The following CASKIN1 variants were observed in gnomAD, a reference collection of about 807,000 sequenced individuals.
CASKIN1 encodes the protein caskin-1.
In CASKIN1, 42 loss-of-function variants were observed where a neutral mutation model predicts 117.5. The observed-to-expected ratio is 0.36, with a 90% CI of 0.28 to 0.46. CASKIN1 has a LOEUF of 0.46. Among genes scored for constraint, CASKIN1 ranks in the 20% least tolerant of loss-of-function variants. The pLI is 1.00. For synonymous variants in CASKIN1, 1,148 were observed against 961.7 expected, an observed-to-expected ratio of 1.19 and a Z score of -3.59; for missense variants, 2,083 against 2,077.3, an observed-to-expected ratio of 1.00 and a Z score of -0.05.
At chr16:2,191,271 C>T (rs1242579790) in intron 1 of CASKIN1, among the ~76,000 whole-genome samples, 4 of 152,178 alleles carry the variant, frequency 2.6e-5, no homozygotes, top group African/African-American at 4.8e-5. Flanking sequence ...TTGAGGGAGT[C>T]GAGGCACAGG....
At chr16:2,191,364 G>A (rs1201527378) in intron 1 of CASKIN1, among the ~76,000 whole-genome samples, 2 of 152,192 alleles carry the variant, frequency 1.3e-5, no homozygotes, top group Admixed American at 6.5e-5. Flanking sequence ...CAGGGTGCGG[G>A]TCCCCTGATG....
chr16:2,189,524 C>T lies in CASKIN1; in HGVS notation c.285G>A (p.Lys95=). The T allele has an allele frequency of 6.2e-7, 1 of 1,611,676 alleles. No individual in the cohort carries two copies. ...PLHYAAWQGR[K]EPMKLVLKAG... is the part of the protein sequence containing the mutation. Reference sequence around the variant, plus strand: ...CCTTCAGCACCAGCTTCATGGGCTCCTTCCGGCCCTGCCAGGCCGCATAGT... The same window carrying T: ...CCTTCAGCACCAGCTTCATGGGCTCTTTCCGGCCCTGCCAGGCCGCATAGT... Residue 95 remains lysine, a synonymous_variant, in exon 4 of 20, where the codon AAG becomes AAA. Transcript: ENST00000343516.
At position 2,179,271 on chromosome 16, in the gene CASKIN1, G is replaced by A; in HGVS notation, c.3830C>T (p.Pro1277Leu). The change falls in exon 19 of 20, where the codon CCG (proline) becomes CTG (leucine). Residue 1277 changes from proline to leucine, a missense_variant. By Grantham distance (98) the Pro-to-Leu change is moderately conservative. Coordinates refer to ENST00000343516, the MANE Select transcript of CASKIN1 (RefSeq NM_020764.4). This position sits in a 1 kb window ranked among gnomAD's most constrained non-coding sequence, Gnocchi z 5.8. ...CTTGACGGGCTTGGGCGCTGTGGGC[G>A]GCGGCGGCGGCTTGGGAGACACGGG... ...PPPVSPKPPP[P>L]PTAPKPVKAV... The A allele has an allele frequency of 8.2e-7, 1 of 1,217,320 alleles. No individual in the cohort carries two copies. Among genetic ancestry groups the A allele is most frequent in the Non-Finnish European group, 1.0e-6 (1 of 979,258 alleles). The allele number at this position is 1,217,320 out of a possible 1,614,324, so 75.4% of individuals were successfully genotyped here.
In CASKIN1 at chr16:2,189,569, G is replaced by A. The variant is rs1344586544; in HGVS notation, c.245-5C>T. ...CATAGTGCAGCGGCCGCATGCCTGG[G>A]GGGCGAGGGGATGCTGGGAGCTGAC... is the stretch of plus-strand genomic sequence containing the variant. On this transcript the variant is annotated splice_region_variant and splice_polypyrimidine_tract_variant and intron_variant, in intron 3 of 19. Coordinates refer to ENST00000343516, the MANE Select transcript of CASKIN1 (RefSeq NM_020764.4). The A allele has an allele frequency of 6.3e-7, 1 of 1,595,416 alleles. No homozygotes were observed. Among genetic ancestry groups the A allele is most frequent in the Non-Finnish European group, 8.5e-7 (1 of 1,172,596 alleles).
chr16:2,185,079 GCCA>G (rs2141319620), intron 12 of CASKIN1, 29 bp downstream of exon 12: 2 of 1,607,122 alleles, frequency 1.2e-6, no homozygotes, highest in Non-Finnish European at 1.7e-6. Flanking sequence ...CCCAGCCCTG[GCCA>G]CCCTGGCCCT....
chr16:2,181,712 T>A, intron 17 of CASKIN1, 79 bp downstream of exon 17: 1 of 668,304 alleles, frequency 1.5e-6, no homozygotes, highest in African/African-American at 4.6e-5. Context: ...GGGGCGGGGC[T>A]GGGGCTGGGC....
At chr16:2,181,677 T>A in intron 17 of CASKIN1, 78 bp from the exon 18 acceptor site, 1 of 242,902 alleles carries the variant, frequency 4.1e-6, no homozygotes, top group Non-Finnish European at 5.9e-6. Context: ...GGGGCTGGGC[T>A]GGGCTTGGGG....
chr16:2,180,638 G>A lies in CASKIN1; in HGVS notation c.2730C>T (p.Val910=). 1 of 1,547,220 alleles carries A rather than the reference G, an allele frequency of 6.5e-7. No individual in the cohort carries two copies. The highest frequency in any genetic ancestry group is 2.4e-5 in the East Asian group (1 of 41,460). ...VPAAAGPYAT[V]QRRVGRSHSV... ...AGTGGCTGCGGCCCACGCGCCGCTG[G>A]ACCGTGGCATAGGGGCCGGCAGCCG... The change falls in exon 18 of 20, where the codon GTC becomes GTT. Residue 910 remains valine (V), a synonymous_variant. Coordinates refer to ENST00000343516, the MANE Select transcript of CASKIN1 (RefSeq NM_020764.4).
In CASKIN1 at chr16:2,179,357, G is replaced by C; in HGVS notation, c.3776-32C>G. 1 of 1,326,538 alleles carries C rather than the reference G, an allele frequency of 7.5e-7. No homozygotes were observed. Among genetic ancestry groups the C allele is most frequent in the East Asian group, 3.0e-5 (1 of 33,588 alleles). 82.2% of individuals were successfully genotyped at this position (1,326,538 alleles called of 1,614,324 possible). A position where few individuals can be genotyped will look rare whatever the true frequency, so the allele number is the denominator to read the frequency against. On this transcript the variant is annotated intron_variant, in intron 18 of 19. Coordinates refer to ENST00000343516, the MANE Select transcript of CASKIN1 (RefSeq NM_020764.4). The surrounding 1 kb of genome is among the most constrained non-coding windows in gnomAD (Gnocchi z 5.8). ...GGAGGACCACGCTGGCACCGAGCGGGCACGAGTTCCGCCGCCGCGCCCCCT... is the reference window on the plus strand; with the variant it reads ...GGAGGACCACGCTGGCACCGAGCGGCCACGAGTTCCGCCGCCGCGCCCCCT...
chr16:2,178,704 C>CCGACCAGGACA, intron 19 of CASKIN1, 58 bp from the exon 20 acceptor site: 1 of 1,475,848 alleles, frequency 6.8e-7, no homozygotes, highest in Non-Finnish European at 9.1e-7. Context: ...CACGCCCACC[C>CCGACCAGGACA]CGACCAGGAC....
chr16:2,183,924 G>C lies in CASKIN1; in HGVS notation c.1434C>G (p.Ser478Arg), dbSNP rs200476578. The C allele has an allele frequency of 5.0e-6, 8 of 1,605,880 alleles. No homozygotes were observed. Among genetic ancestry groups the C allele is most frequent in the East Asian group, 2.2e-5 (1 of 44,762 alleles). The change falls in exon 15 of 20, where the codon AGC (serine) becomes AGG (arginine). Residue 478 changes from serine (S) to arginine (R), a missense_variant. Ser to Arg is a moderately radical substitution (Grantham distance 110). This residue lies in a region of CASKIN1 where 1,818 missense variants were observed against 1,688.9 expected (regional missense o/e 1.08). Coordinates refer to ENST00000343516, the MANE Select transcript of CASKIN1 (RefSeq NM_020764.4). The stretch of plus-strand genomic sequence containing the variant: ...GCAGCTGGAACGCGGTGAGCCACTG[G>C]CTCACGGCCTCAGAGCTCTGGAAGA... Reference protein sequence around the residue: ...ASEGKSSEAVSQWLTAFQLQL... With the variant: ...ASEGKSSEAVRQWLTAFQLQL...
intron 11 of CASKIN1, 47 bp downstream of exon 11, chr16:2,185,260 G>A: frequency 1.9e-6 from 3 of 1,599,308 alleles, no homozygotes; most frequent in South Asian, 1.1e-5. Context: ...CCACGGTGGT[G>A]CCTTGTGGAA....
intron 3 of CASKIN1, 26 bp downstream of exon 3, chr16:2,190,047 C>T (rs774128408): frequency 4.4e-6 from 7 of 1,602,318 alleles, no homozygotes; most frequent in Non-Finnish European, 6.0e-6. Flanking sequence ...CCCCTGCCCC[C>T]ACCAGAGGCC....
chr16:2,189,610 C>A (rs558745946), intron 3 of CASKIN1, 46 bp from the exon 4 acceptor site: 1 of 1,550,164 alleles, frequency 6.5e-7, no homozygotes. Flanking sequence ...ACCCCAAACC[C>A]AACCCTGGAG....
At chr16:2,181,653 G>T in intron 17 of CASKIN1, 54 bp from the exon 18 acceptor site, 2 of 1,405,400 alleles carry the variant, frequency 1.4e-6, no homozygotes, top group Non-Finnish European at 9.7e-7. Flanking sequence ...AGGGGCAGGG[G>T]CCGGGCTAGG....
Position 2,178,269 on chromosome 16 carries a change from C to T in CASKIN1, c.*281G>A, listed in dbSNP as rs947761483. ...CTGTGCGCTGCCCCATCCCTGGTCCCGGGGCGCCCTCCCCTCCCGCGCGGG... is the reference window on the plus strand; with the variant it reads ...CTGTGCGCTGCCCCATCCCTGGTCCTGGGGCGCCCTCCCCTCCCGCGCGGG... On this transcript the variant is annotated 3_prime_UTR_variant, in exon 20 of 20. Transcript: ENST00000343516. 3.8e-5 allele frequency: 15 copies of T among 391,538 alleles called. No homozygotes were observed. Among genetic ancestry groups the T allele is most frequent in the Non-Finnish European group, 7.0e-5 (15 of 214,980 alleles). The allele number at this position is 391,538 out of a possible 1,614,324, so 24.3% of individuals were successfully genotyped here. A position where few individuals can be genotyped will look rare whatever the true frequency, so the allele number is the denominator to read the frequency against.
chr16:2,188,967 C>T (rs922279925), intron 6 of CASKIN1, 60 bp downstream of exon 6: 2 of 1,557,760 alleles, frequency 1.3e-6, no homozygotes, highest in Non-Finnish European at 1.7e-6. Flanking sequence ...CCCTGAGCCC[C>T]AGGCTGCTGC....
chr16:2,184,055 G>A lies in CASKIN1; in HGVS notation c.1417-114C>T, dbSNP rs1477913579. The A allele has an allele frequency of 1.9e-5, 13 of 671,360 alleles. No individual in the cohort carries two copies. The East Asian group carries it at 2.2e-4, about 12-fold the overall frequency. The allele number at this position is 671,360 out of a possible 1,614,324, so 41.6% of individuals were successfully genotyped here. On this transcript the variant is annotated intron_variant, in intron 14 of 19. Transcript: ENST00000343516. ...CGTGCAGCCACTGCGTCCGCCGTCCGCTGCTCCATCTGCAGCAGGCCCCGG... is the reference window on the plus strand; with the variant it reads ...CGTGCAGCCACTGCGTCCGCCGTCCACTGCTCCATCTGCAGCAGGCCCCGG...
chr16:2,186,923 G>A (rs770946411), intron 9 of CASKIN1, 55 bp downstream of exon 9: 14 of 1,600,238 alleles, frequency 8.7e-6, no homozygotes, highest in African/African-American at 4.0e-5. Flanking sequence ...TCTGGGGTGC[G>A]CACGCCCAGG....
Sources: allele counts gnomAD v4.1 joint callset (sites outside exome capture counted in the v4.1 genomes callset), GRCh38; gene constraint gnomAD v4.1.1; regional missense constraint gnomAD v4.1.1; non-coding constraint Gnocchi (gnomAD v3.1); transcripts MANE v1.5; gene names NCBI Gene and HGNC (gene_info 2026-07-23, HGNC 2026-07-21).